PUM1: variants seen among roughly 807,000 people sequenced by gnomAD.
PUM1 encodes the protein pumilio homolog 1.
In PUM1, 13 loss-of-function variants were observed where a neutral mutation model predicts 131.8. The observed-to-expected ratio is 0.10, with a 90% CI of 0.06 to 0.16. The LOEUF is 0.16. Among genes scored for constraint, PUM1 ranks in the 10% least tolerant of loss-of-function variants. The probability of loss-of-function intolerance (pLI) is 1.00; values close to 1 mark genes in which losing one functional copy is unlikely to be tolerated. For synonymous variants in PUM1, 509 were observed against 556.5 expected (o/e 0.91, Z 1.20); for missense variants, 961 against 1,512.4 (o/e 0.64, Z 6.05).
intron 18 of PUM1, 137 bp downstream of exon 18, chr1:30,945,209 G>A (rs1027709690): frequency 2.0e-6 from 2 of 979,382 alleles, no homozygotes; most frequent in Non-Finnish European, 3.0e-6. Context: ...ACTCCAGCCT[G>A]GGCAACAGAG....
In PUM1 at chr1:30,978,454, C is replaced by T. The variant is rs1252816417; in HGVS notation, c.1354+1608G>A. On this transcript the variant is annotated intron_variant, in intron 9 of 21. Transcript: ENST00000426105. ...TTTTCCCCCAAAAGGGGGATGACCACGGACAGCCAGATGACCCTATGTTAA... is the reference window on the plus strand; with the variant it reads ...TTTTCCCCCAAAAGGGGGATGACCATGGACAGCCAGATGACCCTATGTTAA... Among the ~76,000 whole-genome samples the T allele has an allele frequency of 5.9e-5, 9 of 152,236 alleles. No individual in the cohort carries two copies. The East Asian group carries it at 1.3e-3, about 23-fold the overall frequency.
intron 2 of PUM1, among the ~76,000 whole-genome samples, chr1:31,047,885 T>C (rs903538919): frequency 1.3e-5 from 2 of 151,976 alleles, no homozygotes; most frequent in African/African-American, 4.8e-5. Context: ...GAGATTGCAG[T>C]GAGCCGAGAT....
chr1:31,025,261 T>C (rs1375428316), intron 3 of PUM1, among the ~76,000 whole-genome samples: 13 of 152,236 alleles, frequency 8.5e-5, no homozygotes, highest in Admixed American at 5.2e-4. Flanking sequence ...AGGCCAACAG[T>C]GGCTTTGAAG....
intron 17 of PUM1, among the ~76,000 whole-genome samples, chr1:30,948,176 C>T (rs1220170829): frequency 1.3e-5 from 2 of 151,932 alleles, no homozygotes; most frequent in Non-Finnish European, 1.5e-5. Context: ...TCTGAAAATA[C>T]AATTATAGGA....
At chr1:31,060,447 C>T (rs527965117) in intron 1 of PUM1, among the ~76,000 whole-genome samples, 19 of 151,914 alleles carry the variant, frequency 1.3e-4, no homozygotes, top group Admixed American at 7.2e-4. Flanking sequence ...GGTGACAGAG[C>T]GAGACTCTCT....
chr1:30,933,141 G>T lies in PUM1; in HGVS notation c.*70C>A. ...TCAGACTCTACACTAGAACATTTCT[G>T]GTTGCTGGTTGGATTTGCCAGTGGG... On this transcript the variant is annotated 3_prime_UTR_variant, in exon 22 of 22. Transcript: ENST00000426105. The T allele has an allele frequency of 6.5e-7, 1 of 1,537,260 alleles. No homozygotes were observed. Among genetic ancestry groups the T allele is most frequent in the Non-Finnish European group, 8.8e-7 (1 of 1,137,528 alleles).
intron 2 of PUM1, among the ~76,000 whole-genome samples, chr1:31,054,215 A>C (rs1644181989): frequency 6.6e-6 from 1 of 151,488 alleles, no homozygotes; most frequent in Non-Finnish European, 1.5e-5. Flanking sequence ...TGGTCCCAGG[A>C]TAGGGAGGCT....
intron 3 of PUM1, among the ~76,000 whole-genome samples, chr1:31,025,848 G>A (rs1381329616): frequency 6.6e-6 from 1 of 151,214 alleles, no homozygotes; most frequent in Non-Finnish European, 1.5e-5. Context: ...GAGCCACCAC[G>A]CCCGGCCAGT....
chr1:31,008,307 T>C (rs914840357), intron 3 of PUM1, among the ~76,000 whole-genome samples: 7 of 152,284 alleles, frequency 4.6e-5, no homozygotes, highest in African/African-American at 1.4e-4. Flanking sequence ...ATCTATCTCA[T>C]GGACTTGGGT....
intron 7 of PUM1, among the ~76,000 whole-genome samples, chr1:30,983,454 C>A (rs1641429258): frequency 1.3e-5 from 2 of 152,100 alleles, no homozygotes; most frequent in African/African-American, 4.8e-5. Context: ...AGATGTTTTT[C>A]GAGCACCTAT....
intron 2 of PUM1, among the ~76,000 whole-genome samples, chr1:31,040,865 GCA>G (rs922614970): frequency 3.9e-5 from 6 of 151,992 alleles, no homozygotes; most frequent in African/African-American, 1.4e-4. Context: ...GAAAGAAAAC[GCA>G]CACACACACG....
intron 4 of PUM1, among the ~76,000 whole-genome samples, chr1:31,006,434 G>A (rs1220882908): frequency 2.6e-5 from 4 of 151,980 alleles, no homozygotes; most frequent in African/African-American, 2.4e-5. Context: ...CCATGCTTAC[G>A]TTGTACTGTA....
chr1:30,952,469 A>G, intron 15 of PUM1, 106 bp from the exon 16 acceptor site: 1 of 1,532,748 alleles, frequency 6.5e-7, no homozygotes, highest in Non-Finnish European at 8.9e-7. Context: ...CATGTGAGTG[A>G]GCATGTGTGC....
chr1:30,988,922 G>C (rs1250942214), intron 7 of PUM1, among the ~76,000 whole-genome samples: 1 of 152,096 alleles, frequency 6.6e-6, no homozygotes, highest in Non-Finnish European at 1.5e-5. Flanking sequence ...TTCCACTACT[G>C]TTTCATTCAG....
At chr1:30,968,985 G>A (rs1165613565) in intron 10 of PUM1, among the ~76,000 whole-genome samples, 1 of 151,960 alleles carries the variant, frequency 6.6e-6, no homozygotes, top group African/African-American at 2.4e-5. Flanking sequence ...TCAGTGCTCT[G>A]ACAAAAAGTG....
intron 17 of PUM1, among the ~76,000 whole-genome samples, chr1:30,948,197 T>C (rs1453379517): frequency 6.6e-6 from 1 of 152,118 alleles, no homozygotes; most frequent in African/African-American, 2.4e-5. Flanking sequence ...ATGATGGGAA[T>C]TGTGGGAATA....
rs997147074 is a variant in PUM1 at position 30,941,084 on chromosome 1, A to G, written c.3242+67T>C. 2.7e-5 allele frequency: 39 copies of G among 1,458,394 alleles called. No individual in the cohort carries two copies. In the African/African-American group the frequency reaches 5.3e-4, roughly 20 times the overall value. 90.3% of individuals were successfully genotyped at this position (1,458,394 alleles called of 1,614,324 possible). A position where few individuals can be genotyped will look rare whatever the true frequency, so the allele number is the denominator to read the frequency against. On this transcript the variant is annotated intron_variant, in intron 20 of 21. Coordinates refer to ENST00000426105, the MANE Select transcript of PUM1 (RefSeq NM_001020658.2). ...AACAACAACAACATTAAAAAATAAG[A>G]TAATTATAGTTCAATACTACTAATC...
intron 2 of PUM1, among the ~76,000 whole-genome samples, chr1:31,049,575 G>A (rs1404239489): frequency 1.3e-5 from 2 of 151,800 alleles, no homozygotes; most frequent in Non-Finnish European, 2.9e-5. Context: ...AACTGCTTGG[G>A]AGGCTGAAGC....
chr1:31,059,639 A>C (rs1001463037), intron 1 of PUM1, 62 bp from the exon 2 acceptor site: 1 of 1,501,894 alleles, frequency 6.7e-7, no homozygotes. Flanking sequence ...AAACACACTA[A>C]GATAAAAACA....
Sources: gnomAD v4.1 joint callset for allele counts (sites outside exome capture counted in the v4.1 genomes callset) on GRCh38, gnomAD v4.1.1 for gene constraint, MANE v1.5 for transcripts, NCBI Gene and HGNC (gene_info 2026-07-23, HGNC 2026-07-21) for gene names.